Variants in ANKRD18A observed in about 807,000 individuals in gnomAD.
The protein encoded by ANKRD18A is ankyrin repeat domain-containing protein 18A.
A neutral mutation model predicts 110.6 loss-of-function variants in ANKRD18A; 72 were observed. The ratio of observed to expected loss-of-function variants is 0.65; its 90% CI spans 0.54 to 0.79. The LOEUF (loss-of-function observed/expected upper bound fraction) is 0.79, where lower values mean the gene tolerates loss of function less well. Ranked by LOEUF, ANKRD18A falls within the 30% of genes least tolerant of loss-of-function variation. The probability of loss-of-function intolerance (pLI) is 0.00; values close to 1 mark genes in which losing one functional copy is unlikely to be tolerated. For missense variants in ANKRD18A, 934 were observed against 1,163.3 expected (o/e 0.80, Z 2.87); for synonymous variants, 305 against 410.3 (o/e 0.74, Z 3.10).
chr9:38,589,838 C>A (rs1242001251), intron 10 of ANKRD18A, among the ~76,000 whole-genome samples: 1 of 152,140 alleles, frequency 6.6e-6, no homozygotes, highest in Non-Finnish European at 1.5e-5. Context: ...GGCTGCTACT[C>A]CTCTTTTTAA....
Position 38,578,008 on chromosome 9 carries a change from C to T in ANKRD18A, c.2388G>A (p.Lys796=), listed in dbSNP as rs775673622. The T allele has an allele frequency of 7.1e-6, 11 of 1,557,382 alleles. No homozygotes were observed. The highest frequency in any genetic ancestry group is 3.3e-4 in the Middle Eastern group (2 of 6,000). ...EKCEKLEKDK[K]MLEEEVLNLK... Reference sequence around the variant, plus strand: ...GATTTAATACTTCTTCTTCCAACATCTTTTTATCCTTCTCAAGTTTTTCAC... The same window carrying T: ...GATTTAATACTTCTTCTTCCAACATTTTTTTATCCTTCTCAAGTTTTTCAC... Residue 796 remains lysine, a synonymous_variant, in exon 13 of 16, where the codon AAG becomes AAA. Transcript: ENST00000399703.
intron 12 of ANKRD18A, among the ~76,000 whole-genome samples, chr9:38,585,799 G>A (rs1202249009): frequency 6.6e-6 from 1 of 152,144 alleles, no homozygotes; most frequent in Non-Finnish European, 1.5e-5. Flanking sequence ...AAAATGTGGT[G>A]TATATACATC....
rs184352952 is a variant in ANKRD18A at position 38,596,571 on chromosome 9, C to T, written c.937-168G>A. Among the ~76,000 whole-genome samples the T allele has an allele frequency of 7.8e-3, 1,181 of 152,206 alleles. 14 individuals are homozygous for T. The highest frequency in any genetic ancestry group is 0.042 in the South Asian group (202 of 4,822). On this transcript the variant is annotated intron_variant, in intron 8 of 15. Coordinates refer to ENST00000399703, the MANE Select transcript of ANKRD18A (RefSeq NM_147195.4). ...AAAACCTTGAACCTTAGAGAACATA[C>T]ATTTCAAAAAGTTCAAAAATGTATT...
At chr9:38,575,992 C>T (rs1823878025) in intron 14 of ANKRD18A, among the ~76,000 whole-genome samples, 1 of 152,158 alleles carries the variant, frequency 6.6e-6, no homozygotes, top group Non-Finnish European at 1.5e-5. Context: ...TAGCTGCCTT[C>T]TAAAATAGCT....
rs1306526765 is a variant in ANKRD18A, at chr9:38,571,694, G to C, written c.*351C>G. The C allele has an allele frequency of 3.9e-6, 4 of 1,035,462 alleles. No individual in the cohort carries two copies. Among genetic ancestry groups the C allele is most frequent in the South Asian group, 4.0e-5 (1 of 24,848 alleles). The allele number at this position is 1,035,462 out of a possible 1,614,324, so 64.1% of individuals were successfully genotyped here. ...TTTACTAAAGTATCAATGATGACTT[G>C]GTTGTTTGGCTGTTTAAACAGCTGA... On this transcript the variant is annotated 3_prime_UTR_variant, in exon 16 of 16. Coordinates refer to ENST00000399703, the MANE Select transcript of ANKRD18A (RefSeq NM_147195.4).
rs1823724065 is a variant in ANKRD18A, at chr9:38,573,104, A to G, written c.2965-1045T>C. 3 of 1,421,754 alleles carry G rather than the reference A, an allele frequency of 2.1e-6. No homozygotes were observed. The East Asian group carries it at 7.6e-5, about 36-fold the overall frequency. The allele number at this position is 1,421,754 out of a possible 1,614,324, so 88.1% of individuals were successfully genotyped here. On this transcript the variant is annotated intron_variant, in intron 15 of 15. Coordinates refer to ENST00000399703, the MANE Select transcript of ANKRD18A (RefSeq NM_147195.4). The stretch of plus-strand genomic sequence containing the variant: ...CATACTTTTCTTTGTTCCTGTAATT[A>G]TTTGTTCTACACGGTCCAGCTCCAT...
At chr9:38,569,562 C>A (rs2118593286), downstream of ANKRD18A, 1 of 568,910 alleles carries the variant, frequency 1.8e-6, no homozygotes, top group Non-Finnish European at 2.2e-6. Flanking sequence ...CACAACCCAC[C>A]ACAACAGGAG....
intron 15 of ANKRD18A, 112 bp from the exon 16 acceptor site, chr9:38,572,171 T>C (rs1405011866): frequency 1.1e-5 from 8 of 722,808 alleles, no homozygotes; most frequent in Non-Finnish European, 1.8e-5. Context: ...GAATGAGAAA[T>C]ATGTACGTGC....
chr9:38,585,070 T>A (rs1824323893), intron 12 of ANKRD18A, among the ~76,000 whole-genome samples: 2 of 152,162 alleles, frequency 1.3e-5, no homozygotes, highest in South Asian at 4.1e-4. Flanking sequence ...TGTGGGGGAA[T>A]CTGCATCTGT....
At chr9:38,568,750 G>C (rs146724162), downstream of ANKRD18A, 3,203 of 985,304 alleles carry the variant, frequency 3.3e-3, 70 homozygotes, top group African/African-American at 0.051. Flanking sequence ...CTCTGGCCAG[G>C]GCCACAGAAG....
chr9:38,618,752 A>G (rs148917840), intron 1 of ANKRD18A, among the ~76,000 whole-genome samples: 1 of 152,144 alleles, frequency 6.6e-6, no homozygotes, highest in Non-Finnish European at 1.5e-5. Flanking sequence ...TACATAAGTA[A>G]CTTGTGAATC....
chr9:38,575,599 C>G lies in ANKRD18A; in HGVS notation c.2841G>C (p.Glu947Asp), dbSNP rs1485055736. 1.3e-6 allele frequency: 2 copies of G among 1,551,618 alleles called. No individual in the cohort carries two copies. The highest frequency in any genetic ancestry group is 1.7e-6 in the Non-Finnish European group (2 of 1,146,830). Residue 947 changes from glutamate to aspartate, a missense_variant, in exon 15 of 16, where the codon GAG becomes GAC. By Grantham distance (45) the Glu-to-Asp change is conservative. This residue lies in a region of ANKRD18A where 223 missense variants were observed against 226.7 expected (regional missense o/e 0.98). Transcript: ENST00000399703. ...LSTLPTRPEPELPCVENLNSI... is the reference protein window; with the variant it reads ...LSTLPTRPEPDLPCVENLNSI... The stretch of plus-strand genomic sequence containing the variant: ...TATTAAGATTTTCAACACAAGGTAA[C>G]TCTGGTTCTGGCCTTGTAGGAAGAG...
rs1824836405 is a variant in ANKRD18A, at chr9:38,595,544, T to C, written c.1796A>G (p.Glu599Gly). 1 of 1,529,650 alleles carries C rather than the reference T, an allele frequency of 6.5e-7. No homozygotes were observed. Among genetic ancestry groups the C allele is most frequent in the Non-Finnish European group, 8.8e-7 (1 of 1,139,346 alleles). The allele number at this position is 1,529,650 out of a possible 1,614,324, so 94.8% of individuals were successfully genotyped here. The change falls in exon 9 of 16, where the codon GAA becomes GGA. Residue 599 changes from glutamate (E) to glycine (G), a missense_variant. Physicochemically the swap from Glu to Gly is moderately conservative, Grantham distance 98. Transcript: ENST00000399703. ...LEERNKELMK[E>G]YNYLKEKLLQ... ...CAGTTTTTCTTTTAAATAATTATATTCTTTCATTAATTCCTTATTTCTTTC... is the reference window on the plus strand; with the variant it reads ...CAGTTTTTCTTTTAAATAATTATATCCTTTCATTAATTCCTTATTTCTTTC...
intron 10 of ANKRD18A, among the ~76,000 whole-genome samples, chr9:38,590,147 TTTTC>T (rs749214651): frequency 1.8e-4 from 27 of 152,002 alleles, no homozygotes; most frequent in Middle Eastern, 3.2e-3. Flanking sequence ...TGTCCTTTCT[TTTTC>T]TTTCTTTCTT....
rs537144084 is a variant in ANKRD18A, at chr9:38,600,552, T to C, written c.936+579A>G. Among the ~76,000 whole-genome samples the C allele has an allele frequency of 5.9e-4, 90 of 152,292 alleles. 1 individual carries two copies. Among genetic ancestry groups the C allele is most frequent in the African/African-American group, 2.2e-3 (90 of 41,550 alleles). On this transcript the variant is annotated intron_variant, in intron 8 of 15. Transcript: ENST00000399703. ...TTCTACTTATGTTAAAACAAGAAAG[T>C]TATTGTTTGCACCCTGACACCAAAG...
chr9:38,617,333 G>T (rs1231528858), intron 1 of ANKRD18A, among the ~76,000 whole-genome samples: 1 of 152,046 alleles, frequency 6.6e-6, no homozygotes, highest in African/African-American at 2.4e-5. Context: ...CCAGCTACTC[G>T]GGAGGCTGAG....
rs1313901490 is a variant in ANKRD18A, at chr9:38,620,149, T to C, written c.137A>G (p.Asp46Gly). ...RKIHRAAIKG[D>G]AAEVERCLTR... is the part of the protein sequence containing the mutation. ...CAGGCAGCGCTCCACCTCCGCGGCG[T>C]CGCCCTTGATGGCAGCCCTGTGGAT... is the stretch of plus-strand genomic sequence containing the variant. The change falls in exon 1 of 16, where the codon GAC becomes GGC. Residue 46 changes from aspartate to glycine, a missense_variant. Physicochemically the swap from Asp to Gly is moderately conservative, Grantham distance 94 (BLOSUM62 -1). Coordinates refer to ENST00000399703, the MANE Select transcript of ANKRD18A (RefSeq NM_147195.4). 5.7e-6 allele frequency: 9 copies of C among 1,569,194 alleles called. No individual in the cohort carries two copies. The highest frequency in any genetic ancestry group is 7.8e-6 in the Non-Finnish European group (9 of 1,157,234).
At chr9:38,592,989 G>C (rs1369682003) in intron 10 of ANKRD18A, among the ~76,000 whole-genome samples, 1 of 152,198 alleles carries the variant, frequency 6.6e-6, no homozygotes. Flanking sequence ...TTTCAGAGTG[G>C]TGAAAATGTT....
intron 10 of ANKRD18A, among the ~76,000 whole-genome samples, chr9:38,590,515 G>T (rs940295098): frequency 6.6e-6 from 1 of 152,158 alleles, no homozygotes; most frequent in Non-Finnish European, 1.5e-5. Flanking sequence ...GCCTCCCAAA[G>T]TGTTGGGATT....
Sources: allele counts gnomAD v4.1 joint callset (sites outside exome capture counted in the v4.1 genomes callset), GRCh38; gene constraint gnomAD v4.1.1; regional missense constraint gnomAD v4.1.1; transcripts MANE v1.5; gene names NCBI Gene and HGNC (gene_info 2026-07-23, HGNC 2026-07-21).